The following RANBP2 variants were observed in gnomAD, a reference collection of about 807,000 sequenced individuals.
RANBP2 encodes E3 SUMO-protein ligase RanBP2.
RANBP2 carries 57 observed loss-of-function variants against 303.6 expected under a neutral mutation model. The ratio of observed to expected loss-of-function variants is 0.19; its 90% confidence interval spans 0.15 to 0.23. RANBP2 has a LOEUF of 0.23. Among genes scored for constraint, RANBP2 ranks in the 10% least tolerant of loss-of-function variants. The pLI is 1.00. For missense variants in RANBP2, 3,138 were observed against 3,780.8 expected, an observed-to-expected ratio of 0.83 and a Z score of 4.46; for synonymous variants, 1,167 against 1,301.5, an observed-to-expected ratio of 0.90 and a Z score of 2.23.
chr2:109,124,004 AT>A, the RANBP2 span, among the ~76,000 whole-genome samples: 9 of 139,624 alleles, frequency 6.4e-5, no homozygotes, highest in African/African-American at 1.8e-4. Flanking sequence ...TTATTTATTT[AT>A]TTATTTATTT....
the RANBP2 span, among the ~76,000 whole-genome samples, chr2:108,877,332 G>C: frequency 6.6e-6 from 1 of 152,016 alleles, no homozygotes; most frequent in Admixed American, 6.6e-5. Context: ...GCCAGGCGGT[G>C]ATGGGCACCT....
the RANBP2 span, chr2:109,129,778 C>T: frequency 2.6e-6 from 4 of 1,539,278 alleles, no homozygotes; most frequent in Admixed American, 2.0e-5. Context: ...TTTCTGCCGC[C>T]GCTGCCTGGA....
In RANBP2 at chr2:108,719,601, G is replaced by T; in HGVS notation, c.-6G>T. The T allele has an allele frequency of 6.2e-7, 1 of 1,603,104 alleles. No individual in the cohort carries two copies. The highest frequency in any genetic ancestry group is 1.3e-5 in the African/African-American group (1 of 74,896). ...CACGCGCCTCGGGAGCCAGGTTGGCGGCGCGATGAGGCGCAGCAAGGCTGA... is the reference window on the plus strand; with the variant it reads ...CACGCGCCTCGGGAGCCAGGTTGGCTGCGCGATGAGGCGCAGCAAGGCTGA... On this transcript the variant is annotated 5_prime_UTR_variant, in exon 1 of 29. Transcript: ENST00000283195.
the RANBP2 span, chr2:108,910,679 G>A: frequency 1.4e-6 from 2 of 1,468,510 alleles, no homozygotes; most frequent in South Asian, 1.2e-5. Flanking sequence ...GGTTCAGCAT[G>A]TGAGAGCAGA....
At chr2:109,157,052 T>C in the RANBP2 span, among the ~76,000 whole-genome samples, 11 of 152,346 alleles carry the variant, frequency 7.2e-5, no homozygotes, top group African/African-American at 2.6e-4. Flanking sequence ...ATCATCTGAC[T>C]GTGGGAAGGG....
chr2:109,009,318 C>T, the RANBP2 span, among the ~76,000 whole-genome samples: 8 of 151,330 alleles, frequency 5.3e-5, no homozygotes, highest in East Asian at 1.9e-4. Context: ...CCAGCCTGGG[C>T]GACAGAGTGA....
chr2:109,121,887 C>T, the RANBP2 span, among the ~76,000 whole-genome samples: 6 of 152,168 alleles, frequency 3.9e-5, no homozygotes, highest in African/African-American at 1.4e-4. Flanking sequence ...TAAAACTTCT[C>T]CTCCTGCTAC....
the RANBP2 span, among the ~76,000 whole-genome samples, chr2:108,945,699 A>G: frequency 1.3e-5 from 2 of 152,274 alleles, no homozygotes; most frequent in East Asian, 1.9e-4. Context: ...AGTATGGCAT[A>G]TGCACACAAT....
the RANBP2 span, among the ~76,000 whole-genome samples, chr2:109,017,754 A>G: frequency 2.8e-3 from 434 of 152,336 alleles, 7 homozygotes; most frequent in African/African-American, 9.4e-3. Context: ...TCTTAATAAC[A>G]GCATATTAAT....
At chr2:109,452,499 GTGC>G in the RANBP2 span, among the ~76,000 whole-genome samples, 1 of 152,232 alleles carries the variant, frequency 6.6e-6, no homozygotes, top group Non-Finnish European at 1.5e-5. Context: ...CCTAGCGCTA[GTGC>G]TGCTAAATTC....
At chr2:109,129,867 C>T in the RANBP2 span, 2 of 1,525,046 alleles carry the variant, frequency 1.3e-6, no homozygotes, top group Admixed American at 4.0e-5. Flanking sequence ...ACGAACTGCC[C>T]GCCAACATCT....
At chr2:109,223,461 T>G in the RANBP2 span, among the ~76,000 whole-genome samples, 1 of 152,174 alleles carries the variant, frequency 6.6e-6, no homozygotes, top group South Asian at 2.1e-4. Flanking sequence ...TTGTCCCCCT[T>G]TGGGAGTGGG....
chr2:108,740,439 T>C lies in RANBP2; in HGVS notation c.783-50T>C, dbSNP rs1028878388. On this transcript the variant is annotated intron_variant, in intron 6 of 28. Coordinates refer to ENST00000283195, the MANE Select transcript of RANBP2 (RefSeq NM_006267.5). ...TTTTGAATTAAATAAACCATGATTA[T>C]TCACAGTGCAGTAAGTGTGTATTAT... 32 of 1,596,598 alleles carry C rather than the reference T, an allele frequency of 2.0e-5. No homozygotes were observed. The African/African-American group carries it at 4.1e-4, about 21-fold the overall frequency.
chr2:109,032,306 C>T, the RANBP2 span, among the ~76,000 whole-genome samples: 2 of 151,904 alleles, frequency 1.3e-5, no homozygotes, highest in African/African-American at 2.4e-5. Context: ...TTTTGTCCCT[C>T]CCCACCCCCT....
the RANBP2 span, among the ~76,000 whole-genome samples, chr2:109,684,301 G>A: frequency 2.2e-3 from 319 of 148,020 alleles, 2 homozygotes; most frequent in East Asian, 0.02. Context: ...GAGTGCAGTG[G>A]CATGATCTCA....
chr2:109,503,114 T>C, the RANBP2 span: 25 of 152,184 alleles, frequency 1.6e-4, no homozygotes, highest in Admixed American at 1.6e-3. Context: ...GGAAGACTGA[T>C]CAGGAGCCCT....
At chr2:109,252,073 GCCATC>G in the RANBP2 span, among the ~76,000 whole-genome samples, 1 of 127,164 alleles carries the variant, frequency 7.9e-6, no homozygotes. Context: ...ATATAGAGAT[GCCATC>G]TCTACAAAAA....
At chr2:109,294,589 TA>T in the RANBP2 span, among the ~76,000 whole-genome samples, 57,140 of 141,226 alleles carry the variant, frequency 0.4, 11,040 homozygotes, top group African/African-American at 0.45. Flanking sequence ...AAAAAAAAGG[TA>T]AAAAAAAAAA....
At chr2:109,182,752 A>G in the RANBP2 span, among the ~76,000 whole-genome samples, 1 of 152,124 alleles carries the variant, frequency 6.6e-6, no homozygotes, top group African/African-American at 2.4e-5. Flanking sequence ...AATTTAAATG[A>G]TTTCTTATTT....
Sources: allele counts gnomAD v4.1 joint callset (sites outside exome capture counted in the v4.1 genomes callset), GRCh38; gene constraint gnomAD v4.1.1; transcripts MANE v1.5; gene names NCBI Gene and HGNC (gene_info 2026-07-23, HGNC 2026-07-21).